Variants in HSD3B2 observed in about 807,000 individuals in gnomAD.
HSD3B2 encodes the protein 3 beta-hydroxysteroid dehydrogenase/Delta 5-->4-isomerase type 2.
HSD3B2 carries 8 observed loss-of-function variants against 9.9 expected under a neutral mutation model. That is an observed-to-expected ratio of 0.81 (90% CI 0.47 to 1.46). HSD3B2 has a LOEUF of 1.46. Ranked by LOEUF, HSD3B2 falls within the 40% of genes most tolerant of loss-of-function variation. HSD3B2 has a pLI of 0.00. For missense variants in HSD3B2, 410 were observed against 448.3 expected (o/e 0.91, Z 0.77); for synonymous variants, 221 against 184.5 (o/e 1.20, Z -1.60).
chr1:119,421,840 A>G lies in HSD3B2; in HGVS notation c.339A>G (p.Gln113=). The part of the protein sequence containing the change: ...GTQLLLEACV[Q]ASVPVFIYTS... ...AGCTACTGTTGGAGGCCTGTGTCCA[A>G]GCCAGTGTGCCAGTCTTCATCTACA... The change falls in exon 4 of 4, where the codon CAA becomes CAG. Residue 113 remains glutamine, a synonymous_variant. Coordinates refer to ENST00000369416, the MANE Select transcript of HSD3B2 (RefSeq NM_000198.4). 8 of 1,613,424 alleles carry G rather than the reference A, an allele frequency of 5.0e-6. No homozygotes were observed. Among genetic ancestry groups the G allele is most frequent in the Non-Finnish European group, 6.8e-6 (8 of 1,179,766 alleles).
intron 3 of HSD3B2, 55 bp downstream of exon 3, chr1:119,419,637 A>G (rs973049478): frequency 4.7e-5 from 72 of 1,533,730 alleles, no homozygotes; most frequent in Non-Finnish European, 7.2e-6. Flanking sequence ...GATCAGAAAG[A>G]AGGACAAGAA....
At position 119,422,797 on chromosome 1, in the gene HSD3B2, C is replaced by A; in HGVS notation, c.*177C>A. 1 of 728,778 alleles carries A rather than the reference C, an allele frequency of 1.4e-6. No homozygotes were observed. The highest frequency in any genetic ancestry group is 2.3e-6 in the Non-Finnish European group (1 of 427,024). The allele number at this position is 728,778 out of a possible 1,614,324, so 45.1% of individuals were successfully genotyped here. ...CATCAAAATCTGCACAGTCACTGGC[C>A]CAACCAGAACTTTCTGTCCTAATCA... On this transcript the variant is annotated 3_prime_UTR_variant, in exon 4 of 4. Coordinates refer to ENST00000369416, the MANE Select transcript of HSD3B2 (RefSeq NM_000198.4).
At position 119,419,613 on chromosome 1, in the gene HSD3B2, G is replaced by A. The variant is rs33920337; in HGVS notation, c.307+31G>A. The A allele has an allele frequency of 7.3e-4, 1,181 of 1,607,470 alleles. 7 individuals are homozygous for A. In the African/African-American group the frequency reaches 0.014, roughly 20 times the overall value. On this transcript the variant is annotated intron_variant, in intron 3 of 3. Transcript: ENST00000369416. Reference sequence around the variant, plus strand: ...GTAGCCTGGGGAGGAGATAAAACAAGTTGGTTAAATGAGGATCAGAAAGAA... The same window carrying A: ...GTAGCCTGGGGAGGAGATAAAACAAATTGGTTAAATGAGGATCAGAAAGAA...
At position 119,415,452 on chromosome 1, in the gene HSD3B2, A is replaced by G. The variant is rs767881300; in HGVS notation, c.33A>G (p.Gly11=). The G allele has an allele frequency of 2.2e-5, 35 of 1,613,808 alleles. No homozygotes were observed. In the South Asian group the frequency reaches 3.5e-4, roughly 16 times the overall value. ...GGAGCTGCCTTGTGACAGGAGCAGG[A>G]GGGCTTCTGGGTCAGAGGATCGTCC... MGWSCLVTGA[G]GLLGQRIVRL... The change falls in exon 2 of 4, where the codon GGA becomes GGG. Residue 11 remains glycine, a synonymous_variant. Transcript: ENST00000369416.
chr1:119,422,732 T>C lies in HSD3B2; in HGVS notation c.*112T>C. 1.6e-6 allele frequency: 2 copies of C among 1,269,118 alleles called. No homozygotes were observed. Among genetic ancestry groups the C allele is most frequent in the South Asian group, 1.3e-5 (1 of 78,352 alleles). 78.6% of individuals were successfully genotyped at this position (1,269,118 alleles called of 1,614,324 possible). A position where few individuals can be genotyped will look rare whatever the true frequency, so the allele number is the denominator to read the frequency against. On this transcript the variant is annotated 3_prime_UTR_variant, in exon 4 of 4. Coordinates refer to ENST00000369416, the MANE Select transcript of HSD3B2 (RefSeq NM_000198.4). The stretch of plus-strand genomic sequence containing the variant: ...GGGCACAAGCCCAGGTCCTGCTGCC[T>C]CTCTTTCACACAATGCCCAACTTAC...
Position 119,422,435 on chromosome 1 carries a change from C to T in HSD3B2, c.934C>T (p.Pro312Ser), listed in dbSNP as rs1328608749. The change falls in exon 4 of 4, where the codon CCC becomes TCC. Residue 312 changes from proline (P) to serine (S), a missense_variant. Coordinates refer to ENST00000369416, the MANE Select transcript of HSD3B2 (RefSeq NM_000198.4). ...ACTCAGCCCAATTTACTCCTATCAA[C>T]CCCCCTTCAACCGCCACACAGTCAC... is the stretch of plus-strand genomic sequence containing the variant. ...FLLSPIYSYQPPFNRHTVTLS... is the reference protein window; with the variant it reads ...FLLSPIYSYQSPFNRHTVTLS... 1.9e-6 allele frequency: 3 copies of T among 1,614,152 alleles called. No homozygotes were observed. Among genetic ancestry groups the T allele is most frequent in the Non-Finnish European group, 2.5e-6 (3 of 1,179,992 alleles).
In HSD3B2 at chr1:119,422,912, C is replaced by G. The variant is rs1651936514; in HGVS notation, c.*292C>G. On this transcript the variant is annotated 3_prime_UTR_variant, in exon 4 of 4. Coordinates refer to ENST00000369416, the MANE Select transcript of HSD3B2 (RefSeq NM_000198.4). Reference sequence around the variant, plus strand: ...GTGGTCTCTCTTAACTTGAGGTTCTCTTTTGACTAATAGAGCTCCATTTCC... The same window carrying G: ...GTGGTCTCTCTTAACTTGAGGTTCTGTTTTGACTAATAGAGCTCCATTTCC... 4 of 518,642 alleles carry G rather than the reference C, an allele frequency of 7.7e-6. No homozygotes were observed. The highest frequency in any genetic ancestry group is 1.4e-5 in the Non-Finnish European group (4 of 288,550). 32.1% of individuals were successfully genotyped at this position (518,642 alleles called of 1,614,324 possible).
rs767883215 is a variant in HSD3B2, at chr1:119,422,470, T to C, written c.969T>C (p.Asn323=). ...PFNRHTVTLS[N]SVFTFSYKKA... Reference sequence around the variant, plus strand: ...ACCGCCACACAGTCACATTATCAAATAGTGTGTTCACCTTCTCTTACAAGA... The same window carrying C: ...ACCGCCACACAGTCACATTATCAAACAGTGTGTTCACCTTCTCTTACAAGA... The change falls in exon 4 of 4, where the codon AAT becomes AAC. Residue 323 remains asparagine (N), a synonymous_variant. Transcript: ENST00000369416. 2 of 1,614,044 alleles carry C rather than the reference T, an allele frequency of 1.2e-6. No homozygotes were observed. The highest frequency in any genetic ancestry group is 1.3e-5 in the African/African-American group (1 of 75,022).
At position 119,421,954 on chromosome 1, in the gene HSD3B2, C is replaced by T; in HGVS notation, c.453C>T (p.Pro151=). The change falls in exon 4 of 4, where the codon CCC becomes CCT. Residue 151 remains proline (P), a synonymous_variant. Transcript: ENST00000369416. ...HEEEPLENTW[P]TPYPYSKKLA... is the part of the protein sequence containing the mutation. ...AAGAGCCTCTGGAAAACACATGGCC[C>T]ACTCCATACCCGTACAGCAAAAAGC... 6.2e-7 allele frequency: 1 copy of T among 1,614,074 alleles called. No homozygotes were observed. Among genetic ancestry groups the T allele is most frequent in the Non-Finnish European group, 8.5e-7 (1 of 1,179,996 alleles).
At chr1:119,419,863 C>A (rs1245908215) in intron 3 of HSD3B2, 3 of 422,828 alleles carry the variant, frequency 7.1e-6, no homozygotes, top group South Asian at 4.5e-5. Context: ...ACTCCAAAGG[C>A]TGTGGAAGCT....
intron 3 of HSD3B2, among the ~76,000 whole-genome samples, chr1:119,421,039 T>C (rs1651842174): frequency 5.3e-5 from 8 of 152,154 alleles, no homozygotes; most frequent in Admixed American, 4.6e-4. Flanking sequence ...CACAACCCAC[T>C]GTTTGCTCGA....
intron 3 of HSD3B2, among the ~76,000 whole-genome samples, chr1:119,421,415 A>ATATT (rs1273186647): frequency 2.2e-4 from 6 of 27,484 alleles, no homozygotes; most frequent in African/African-American, 1.2e-3. Context: ...ATATATATAT[A>ATATT]TGTATATATA....
chr1:119,419,738 A>T (rs780577322), intron 3 of HSD3B2, 156 bp downstream of exon 3: 52 of 744,764 alleles, frequency 7.0e-5, no homozygotes, highest in Non-Finnish European at 9.9e-5. Flanking sequence ...CAAGGCTGGT[A>T]ACCTCAGTTT....
Position 119,422,164 on chromosome 1 carries a change from C to A in HSD3B2, c.663C>A (p.Asn221Lys). Residue 221 changes from asparagine (N) to lysine (K), a missense_variant, in exon 4 of 4, where the codon AAC becomes AAA. Coordinates refer to ENST00000369416, the MANE Select transcript of HSD3B2 (RefSeq NM_000198.4). Reference sequence around the variant, plus strand: ...GTGTTGGAAAGTTCTCTACAGTCAACCCAGTCTATGTTGGCAACGTGGCCT... The same window carrying A: ...GTGTTGGAAAGTTCTCTACAGTCAAACCAGTCTATGTTGGCAACGTGGCCT... ...LSSVGKFSTVNPVYVGNVAWA... is the reference protein window; with the variant it reads ...LSSVGKFSTVKPVYVGNVAWA... 1 of 1,614,068 alleles carries A rather than the reference C, an allele frequency of 6.2e-7. No individual in the cohort carries two copies. The highest frequency in any genetic ancestry group is 8.5e-7 in the Non-Finnish European group (1 of 1,179,990).
intron 3 of HSD3B2, among the ~76,000 whole-genome samples, chr1:119,421,161 GAA>G (rs1651845134): frequency 6.6e-6 from 1 of 151,856 alleles, no homozygotes; most frequent in East Asian, 1.9e-4. Flanking sequence ...ATTCAACTGT[GAA>G]TTTGTGTGTG....
In HSD3B2 at chr1:119,415,221, T is replaced by C. The variant is rs140813256; in HGVS notation, c.-90+19T>C. ...AGTTACGGTTAGAGCTTTCTCCTTT[T>C]CTTTCAACTACTCCTGGCAGTTGTG... On this transcript the variant is annotated intron_variant, in intron 1 of 3. Coordinates refer to ENST00000369416, the MANE Select transcript of HSD3B2 (RefSeq NM_000198.4). The C allele has an allele frequency of 3.7e-4, 215 of 585,776 alleles. 2 individuals carry two copies. The East Asian group carries it at 4.9e-3, about 13-fold the overall frequency. The allele number at this position is 585,776 out of a possible 1,614,324, so 36.3% of individuals were successfully genotyped here. A position where few individuals can be genotyped will look rare whatever the true frequency, so the allele number is the denominator to read the frequency against.
At chr1:119,421,403 GTATATATATA>G (rs1321607256) in intron 3 of HSD3B2, among the ~76,000 whole-genome samples, 2 of 66,824 alleles carry the variant, frequency 3.0e-5, no homozygotes, top group East Asian at 5.0e-4. Context: ...ATATATATAT[GTATATATATA>G]TATGTATATA....
intron 3 of HSD3B2, among the ~76,000 whole-genome samples, chr1:119,421,467 ATATATATATG>A (rs1309551782): frequency 0.02 from 438 of 22,130 alleles, 11 homozygotes; most frequent in African/African-American, 0.064. Flanking sequence ...ATATATATGT[ATATATATATG>A]TATATATATA....
Position 119,422,268 on chromosome 1 carries a change from C to T in HSD3B2, c.767C>T (p.Ser256Leu), listed in dbSNP as rs1651909759. ...PSVRGQFYYI[S>L]DDTPHQSYDN... ...GTCCGAGGTCAATTCTATTACATCT[C>T]AGATGACACGCCTCACCAAAGCTAT... Residue 256 changes from serine to leucine, a missense_variant, in exon 4 of 4, where the codon TCA (serine) becomes TTA (leucine). Physicochemically the swap from Ser to Leu is moderately radical, Grantham distance 145. Transcript: ENST00000369416. 1 of 1,614,006 alleles carries T rather than the reference C, an allele frequency of 6.2e-7. No homozygotes were observed. Among genetic ancestry groups the T allele is most frequent in the Non-Finnish European group, 8.5e-7 (1 of 1,180,020 alleles).
Sources: gnomAD v4.1 joint callset for allele counts (sites outside exome capture counted in the v4.1 genomes callset) on GRCh38, gnomAD v4.1.1 for gene constraint, MANE v1.5 for transcripts, NCBI Gene and HGNC (gene_info 2026-07-23, HGNC 2026-07-21) for gene names.